NTNG1: variants seen among roughly 807,000 people sequenced by gnomAD.
NTNG1 encodes the protein netrin-G1.
In NTNG1, 16 loss-of-function variants were observed where a neutral mutation model predicts 54.0. The ratio of observed to expected loss-of-function variants is 0.30; its 90% CI spans 0.20 to 0.45. The LOEUF is 0.45. NTNG1 is among the 20% of genes least tolerant of loss of function. The pLI is 1.00. For synonymous variants in NTNG1, 255 were observed against 263.1 expected (o/e 0.97, Z 0.30); for missense variants, 530 against 678.7 (o/e 0.78, Z 2.43).
chr1:107,178,598 C>A lies in NTNG1; in HGVS notation c.246+29759C>A, dbSNP rs1382905659. Among the ~76,000 whole-genome samples the A allele has an allele frequency of 3.3e-5, 5 of 152,086 alleles. No homozygotes were observed. In the East Asian group the frequency reaches 9.6e-4, roughly 29 times the overall value. Reference sequence around the variant, plus strand: ...AAAGAAAAAGTGTATGGGCAGTCAACTTTGCATGGGTACTTGCTTGATGAA... The same window carrying A: ...AAAGAAAAAGTGTATGGGCAGTCAAATTTGCATGGGTACTTGCTTGATGAA... On this transcript the variant is annotated intron_variant, in intron 2 of 7. Coordinates refer to ENST00000370068, the MANE Select transcript of NTNG1 (RefSeq NM_001113226.3).
chr1:107,335,961 A>G (rs1410908328), intron 3 of NTNG1, among the ~76,000 whole-genome samples: 2 of 151,956 alleles, frequency 1.3e-5, no homozygotes, highest in Admixed American at 6.6e-5. Flanking sequence ...AAGACATCCT[A>G]TGTTCATGGA....
At position 107,310,732 on chromosome 1, in the gene NTNG1, A is replaced by G. The variant is rs139994598; in HGVS notation, c.247-13550A>G. ...ATCTTGGGGGGGAAAGAACAATGAA[A>G]TTAATTGAAAAGAGGGAATAAGAAG... On this transcript the variant is annotated intron_variant, in intron 2 of 7. Transcript: ENST00000370068. Among the ~76,000 whole-genome samples the G allele has an allele frequency of 6.4e-4, 98 of 152,250 alleles. 2 individuals carry two copies. The highest frequency in any genetic ancestry group is 6.0e-3 in the Admixed American group (91 of 15,280).
intron 3 of NTNG1, among the ~76,000 whole-genome samples, chr1:107,351,388 C>T (rs1254668836): frequency 1.3e-5 from 2 of 152,184 alleles, no homozygotes; most frequent in Non-Finnish European, 2.9e-5. Flanking sequence ...ATGGCAGCAG[C>T]TGCTTCTGGG....
intron 7 of NTNG1, among the ~76,000 whole-genome samples, chr1:107,456,412 G>T (rs906680009): frequency 6.6e-6 from 1 of 152,168 alleles, no homozygotes; most frequent in Non-Finnish European, 1.5e-5. Flanking sequence ...GCATGAGCAA[G>T]TTCTGTCTCA....
At chr1:107,340,770 G>A (rs1224914914) in intron 3 of NTNG1, among the ~76,000 whole-genome samples, 1 of 151,954 alleles carries the variant, frequency 6.6e-6, no homozygotes. Flanking sequence ...GACAGACCTG[G>A]GTTCAAATCA....
At chr1:107,216,245 T>C (rs1659948909) in intron 2 of NTNG1, among the ~76,000 whole-genome samples, 1 of 152,180 alleles carries the variant, frequency 6.6e-6, no homozygotes, top group Non-Finnish European at 1.5e-5. Flanking sequence ...GGGGATGTTT[T>C]CAACTTTTCC....
chr1:107,378,894 G>C (rs991989434), intron 3 of NTNG1, among the ~76,000 whole-genome samples: 1 of 152,196 alleles, frequency 6.6e-6, no homozygotes, highest in African/African-American at 2.4e-5. Flanking sequence ...AGGGCACTCT[G>C]TTAGGCAGAT....
chr1:107,395,685 A>G (rs1416184635), intron 4 of NTNG1, among the ~76,000 whole-genome samples: 2 of 152,182 alleles, frequency 1.3e-5, no homozygotes, highest in Non-Finnish European at 2.9e-5. Context: ...AATTTTAGCC[A>G]TAAACAATTT....
chr1:107,186,885 T>C (rs1190217804), intron 2 of NTNG1, among the ~76,000 whole-genome samples: 2 of 152,188 alleles, frequency 1.3e-5, no homozygotes, highest in Non-Finnish European at 2.9e-5. Context: ...TTGCGATCCT[T>C]GTAACATCTT....
chr1:107,421,949 G>A (rs893881459), intron 5 of NTNG1, among the ~76,000 whole-genome samples: 1 of 151,986 alleles, frequency 6.6e-6, no homozygotes, highest in African/African-American at 2.4e-5. Flanking sequence ...TCTGAACTTA[G>A]TTTGACCCAT....
chr1:107,212,906 G>A (rs1401133153), intron 2 of NTNG1, among the ~76,000 whole-genome samples: 1 of 151,924 alleles, frequency 6.6e-6, no homozygotes, highest in East Asian at 1.9e-4. Context: ...TGGGGAGAAA[G>A]GTGACCATTC....
intron 2 of NTNG1, among the ~76,000 whole-genome samples, chr1:107,236,267 A>C (rs569742402): frequency 6.6e-6 from 1 of 152,336 alleles, no homozygotes; most frequent in South Asian, 2.1e-4. Flanking sequence ...TAAAGTGTTG[A>C]ATGCAAAGAA....
chr1:107,340,917 T>C (rs1264905440), intron 3 of NTNG1, among the ~76,000 whole-genome samples: 1 of 152,084 alleles, frequency 6.6e-6, no homozygotes, highest in African/African-American at 2.4e-5. Context: ...TTAATGTGTA[T>C]AAAATGCAAG....
chr1:107,229,917 C>G (rs1300482016), intron 2 of NTNG1, among the ~76,000 whole-genome samples: 1 of 152,016 alleles, frequency 6.6e-6, no homozygotes, highest in African/African-American at 2.4e-5. Context: ...CAGAGTTGCT[C>G]TGCTTTGTAA....
At chr1:107,180,127 G>T (rs563393858) in intron 2 of NTNG1, among the ~76,000 whole-genome samples, 1 of 152,274 alleles carries the variant, frequency 6.6e-6, no homozygotes, top group Non-Finnish European at 1.5e-5. Context: ...TATAGGAATT[G>T]TAATAAAATC....
At chr1:107,161,643 A>G (rs1472921568) in intron 2 of NTNG1, among the ~76,000 whole-genome samples, 1 of 151,456 alleles carries the variant, frequency 6.6e-6, no homozygotes, top group African/African-American at 2.4e-5. Flanking sequence ...CCTGGGTGAC[A>G]GAGTGAAACT....
intron 3 of NTNG1, among the ~76,000 whole-genome samples, chr1:107,335,995 G>A (rs1668552511): frequency 6.6e-6 from 1 of 151,818 alleles, no homozygotes; most frequent in Non-Finnish European, 1.5e-5. Context: ...TTGCTAAGAT[G>A]TTAATACTAC....
intron 3 of NTNG1, among the ~76,000 whole-genome samples, chr1:107,342,320 T>G (rs1349544304): frequency 6.6e-6 from 1 of 152,044 alleles, no homozygotes; most frequent in Non-Finnish European, 1.5e-5. Context: ...GAATGATAAT[T>G]ACAGAGGCAT....
At chr1:107,290,692 T>C (rs2493989) in intron 2 of NTNG1, among the ~76,000 whole-genome samples, 2,567 of 151,860 alleles carry the variant, frequency 0.017, 63 homozygotes, top group African/African-American at 0.059. Flanking sequence ...GTATTTGAGG[T>C]GATTAAGTAG....
Sources: allele counts gnomAD v4.1 joint callset (sites outside exome capture counted in the v4.1 genomes callset), GRCh38; gene constraint gnomAD v4.1.1; transcripts MANE v1.5; gene names NCBI Gene and HGNC (gene_info 2026-07-23, HGNC 2026-07-21).